Variants in BTBD7 observed in about 807,000 individuals in gnomAD.
BTBD7 encodes the protein BTB domain containing 7, also known as BTB/POZ domain-containing protein 7.
BTBD7 carries 38 observed loss-of-function variants against 99.9 expected under a neutral mutation model. The observed-to-expected ratio is 0.38, with a 90% confidence interval of 0.29 to 0.50. BTBD7 has a LOEUF of 0.50. Among genes scored for constraint, BTBD7 ranks in the 20% least tolerant of loss-of-function variants. The pLI is 0.93. For synonymous variants in BTBD7, 520 were observed against 511.4 expected, an observed-to-expected ratio of 1.02 and a Z score of -0.23; for missense variants, 1,170 against 1,394.6, an observed-to-expected ratio of 0.84 and a Z score of 2.57.
At chr14:93,314,614 G>A (rs925442439) in intron 1 of BTBD7, among the ~76,000 whole-genome samples, 2 of 152,056 alleles carry the variant, frequency 1.3e-5, no homozygotes, top group African/African-American at 4.8e-5. Context: ...AAATAGCACT[G>A]CAAGTCTTTT....
chr14:93,304,120 A>G (rs2053040243), intron 1 of BTBD7, among the ~76,000 whole-genome samples: 1 of 152,226 alleles, frequency 6.6e-6, no homozygotes, highest in Non-Finnish European at 1.5e-5. Context: ...CAGACTGCAG[A>G]ACTTGCCCAA....
In BTBD7 at chr14:93,257,228, G is replaced by C. The variant is rs1566838361; in HGVS notation, c.1575C>G (p.Ile525Met). 6.2e-7 allele frequency: 1 copy of C among 1,614,152 alleles called. No individual in the cohort carries two copies. Among genetic ancestry groups the C allele is most frequent in the Non-Finnish European group, 8.5e-7 (1 of 1,179,992 alleles). ...SLLPFVRIEHILPINSEVLSD... is the reference protein window; with the variant it reads ...SLLPFVRIEHMLPINSEVLSD... ...TTAAGACTTCACTGTTTATAGGTAA[G>C]ATGTGTTCAATTCGCACAAAAGGTA... Residue 525 changes from isoleucine (I) to methionine (M), a missense_variant, in exon 6 of 11, where the codon ATC becomes ATG. Physicochemically the swap from Ile to Met is conservative, Grantham distance 10. Transcript: ENST00000334746.
At chr14:93,301,726 A>C (rs2053006985) in intron 1 of BTBD7, among the ~76,000 whole-genome samples, 1 of 152,108 alleles carries the variant, frequency 6.6e-6, no homozygotes, top group Admixed American at 6.6e-5. Flanking sequence ...ACCATAATGA[A>C]AGAGAAATGT....
At chr14:93,309,818 T>C (rs2053117647) in intron 1 of BTBD7, among the ~76,000 whole-genome samples, 1 of 152,222 alleles carries the variant, frequency 6.6e-6, no homozygotes, top group Non-Finnish European at 1.5e-5. Context: ...CATCCCTTCC[T>C]ATTACTTGTT....
In BTBD7 at chr14:93,264,041, T is replaced by C. The variant is rs779481411; in HGVS notation, c.1163-48A>G. The stretch of plus-strand genomic sequence containing the variant: ...CTTGAGATTAATCATAAATATTACT[T>C]ATTGAACATTAGTGTGCTAGGCACG... On this transcript the variant is annotated intron_variant, in intron 3 of 10. Coordinates refer to ENST00000334746, the MANE Select transcript of BTBD7 (RefSeq NM_001002860.4). 13 of 1,518,406 alleles carry C rather than the reference T, an allele frequency of 8.6e-6. No homozygotes were observed. The African/African-American group carries it at 1.5e-4, about 18-fold the overall frequency. The allele number at this position is 1,518,406 out of a possible 1,614,324, so 94.1% of individuals were successfully genotyped here.
intron 2 of BTBD7, among the ~76,000 whole-genome samples, 158 bp downstream of exon 2, chr14:93,295,812 C>G (rs547900195): frequency 6.6e-6 from 1 of 152,212 alleles, no homozygotes; most frequent in Admixed American, 6.5e-5. Flanking sequence ...CCATACAAAC[C>G]AGACTTAAGA....
At chr14:93,326,269 C>G (rs1327829959) in intron 1 of BTBD7, among the ~76,000 whole-genome samples, 1 of 152,078 alleles carries the variant, frequency 6.6e-6, no homozygotes, top group Non-Finnish European at 1.5e-5. Context: ...GAGTTCGAGA[C>G]CAGCCTGGGC....
At chr14:93,307,383 T>G (rs868800265) in intron 1 of BTBD7, among the ~76,000 whole-genome samples, 1 of 152,194 alleles carries the variant, frequency 6.6e-6, no homozygotes, top group Non-Finnish European at 1.5e-5. Flanking sequence ...CTTGAACTCC[T>G]GGTCTCAAAT....
chr14:93,257,080 A>G, intron 6 of BTBD7, 115 bp downstream of exon 6: 1 of 1,044,290 alleles, frequency 9.6e-7, no homozygotes, highest in South Asian at 1.6e-5. Context: ...CTCTGTCCTC[A>G]CAGAATTACA....
At chr14:93,274,752 G>C (rs1009012586) in intron 3 of BTBD7, among the ~76,000 whole-genome samples, 5 of 152,132 alleles carry the variant, frequency 3.3e-5, no homozygotes, top group African/African-American at 1.2e-4. Flanking sequence ...TTTTTGGAGG[G>C]AACCCAGGCT....
At chr14:93,323,965 A>C (rs1207854229) in intron 1 of BTBD7, among the ~76,000 whole-genome samples, 1 of 152,274 alleles carries the variant, frequency 6.6e-6, no homozygotes, top group Non-Finnish European at 1.5e-5. Flanking sequence ...ACTTTGGTTC[A>C]AACCATACAG....
intron 3 of BTBD7, among the ~76,000 whole-genome samples, chr14:93,271,532 C>A (rs1464940290): frequency 6.6e-6 from 1 of 152,152 alleles, no homozygotes; most frequent in Admixed American, 6.6e-5. Context: ...TACAAACAGG[C>A]TCGAGAGAAA....
intron 3 of BTBD7, among the ~76,000 whole-genome samples, chr14:93,270,770 T>G (rs1438773566): frequency 6.6e-6 from 1 of 152,082 alleles, no homozygotes; most frequent in Non-Finnish European, 1.5e-5. Context: ...AGGCATTTAA[T>G]GGATAAAAGG....
intron 3 of BTBD7, 132 bp downstream of exon 3, chr14:93,293,726 A>T (rs940209319): frequency 3.9e-5 from 44 of 1,137,496 alleles, no homozygotes; most frequent in Non-Finnish European, 5.1e-5. Flanking sequence ...CAGATGTCAT[A>T]ACTGAAGGTT....
chr14:93,332,561 C>T (rs2053454633), intron 1 of BTBD7, among the ~76,000 whole-genome samples: 1 of 151,486 alleles, frequency 6.6e-6, no homozygotes, highest in Admixed American at 6.6e-5. Flanking sequence ...ACACCTCGCG[C>T]CCCTGCCCCA....
intron 5 of BTBD7, among the ~76,000 whole-genome samples, chr14:93,260,766 T>A (rs1449465181): frequency 6.6e-6 from 1 of 152,200 alleles, no homozygotes; most frequent in African/African-American, 2.4e-5. Flanking sequence ...TTGGTCAGGC[T>A]GGTCTCGAAC....
Position 93,245,955 on chromosome 14 carries a change from G to C in BTBD7, c.2453C>G (p.Pro818Arg). 6.2e-7 allele frequency: 1 copy of C among 1,614,146 alleles called. No homozygotes were observed. The highest frequency in any genetic ancestry group is 8.5e-7 in the Non-Finnish European group (1 of 1,180,018). Residue 818 changes from proline (P) to arginine (R), a missense_variant, in exon 10 of 11, where the codon CCG (proline) becomes CGG (arginine). Coordinates refer to ENST00000334746, the MANE Select transcript of BTBD7 (RefSeq NM_001002860.4). ...ATCAGGCGGTGCAGCTTTCACACTC[G>C]GCAAGTAGACTGGGGGAGGGCCAGC... ...PKAGPPPVYL[P>R]SVKAAPPDCT...
intron 10 of BTBD7, among the ~76,000 whole-genome samples, chr14:93,245,161 C>CA (rs11365837): frequency 4.1e-4 from 53 of 129,970 alleles, no homozygotes; most frequent in Non-Finnish European, 5.4e-4. Context: ...GGCACCTGGC[C>CA]AAAAAAAAAA....
At chr14:93,278,506 G>T (rs963036886) in intron 3 of BTBD7, among the ~76,000 whole-genome samples, 1 of 152,268 alleles carries the variant, frequency 6.6e-6, no homozygotes, top group Admixed American at 6.5e-5. Context: ...CCTCACAGAT[G>T]ATTTCTCCTC....
Sources: allele counts gnomAD v4.1 joint callset (sites outside exome capture counted in the v4.1 genomes callset), GRCh38; gene constraint gnomAD v4.1.1; transcripts MANE v1.5; gene names NCBI Gene and HGNC (gene_info 2026-07-23, HGNC 2026-07-21).